The following FAM124A variants were observed in gnomAD, a reference collection of about 807,000 sequenced individuals.
The protein encoded by FAM124A is protein FAM124A.
A neutral mutation model predicts 24.5 loss-of-function variants in FAM124A; 23 were observed. The observed-to-expected ratio is 0.94, with a 90% CI of 0.68 to 1.33. FAM124A has a LOEUF of 1.33. Ranked by LOEUF, FAM124A falls within the 40% of genes most tolerant of loss-of-function variation. The probability of loss-of-function intolerance (pLI) is 0.00; values close to 1 mark genes in which losing one functional copy is unlikely to be tolerated. For synonymous variants in FAM124A, 287 were observed against 314.7 expected, an observed-to-expected ratio of 0.91 and a Z score of 0.93; for missense variants, 623 against 722.8, an observed-to-expected ratio of 0.86 and a Z score of 1.58.
At chr13:51,263,298 C>T (rs1448744075) in intron 3 of FAM124A, among the ~76,000 whole-genome samples, 1 of 152,260 alleles carries the variant, frequency 6.6e-6, no homozygotes, top group Non-Finnish European at 1.5e-5. Context: ...GCTCTCTGTG[C>T]ATTCCCCAGC....
rs1954397272 is a variant in FAM124A at position 51,233,140 on chromosome 13, C to T, written c.100+1761C>T. On this transcript the variant is annotated intron_variant, in intron 2 of 3. Coordinates refer to ENST00000322475, the MANE Select transcript of FAM124A (RefSeq NM_001242312.2). ...AATGATGGCTAAACAAGTAGGGATT[C>T]GTTTTCCTCTAACCCTTAAGAAGAA... is the stretch of plus-strand genomic sequence containing the variant. 4.6e-5 allele frequency among the ~76,000 whole-genome samples: 7 copies of T among 151,920 alleles called. No homozygotes were observed. The South Asian group carries it at 1.5e-3, about 32-fold the overall frequency.
At chr13:51,247,193 G>T (rs1047316798) in intron 2 of FAM124A, among the ~76,000 whole-genome samples, 1 of 152,218 alleles carries the variant, frequency 6.6e-6, no homozygotes, top group Admixed American at 6.5e-5. Flanking sequence ...GGGGCCAGGC[G>T]GGAGCTGCCG....
At chr13:51,235,662 ACTGTTC>A in intron 2 of FAM124A, among the ~76,000 whole-genome samples, 1 of 152,340 alleles carries the variant, frequency 6.6e-6, no homozygotes, top group Middle Eastern at 3.4e-3. Flanking sequence ...TGCCTCTAAA[ACTGTTC>A]CTCCTCAAAA....
chr13:51,224,364 G>A (rs1223683399), intron 1 of FAM124A, among the ~76,000 whole-genome samples: 1 of 152,222 alleles, frequency 6.6e-6, no homozygotes, highest in Non-Finnish European at 1.5e-5. Context: ...CCAGCTACTC[G>A]GGAGGCTGAG....
chr13:51,280,791 A>C lies in FAM124A; in HGVS notation c.1176A>C (p.Ala392=). 1.9e-6 allele frequency: 3 copies of C among 1,614,200 alleles called. No homozygotes were observed. The highest frequency in any genetic ancestry group is 2.5e-6 in the Non-Finnish European group (3 of 1,180,042). Reference sequence around the variant, plus strand: ...ACACAGGTGCCCCAGGGCACAGGGCATCAGAGTGGAGGCATGGCCACCTCC... The same window carrying C: ...ACACAGGTGCCCCAGGGCACAGGGCCTCAGAGTGGAGGCATGGCCACCTCC... ...FSNTGAPGHR[A]SEWRHGHLLS... The change falls in exon 4 of 4, where the codon GCA becomes GCC. Residue 392 remains alanine (A), a synonymous_variant. Transcript: ENST00000322475.
intron 3 of FAM124A, among the ~76,000 whole-genome samples, chr13:51,257,660 T>C (rs1954689549): frequency 6.6e-6 from 1 of 152,176 alleles, no homozygotes; most frequent in African/African-American, 2.4e-5. Flanking sequence ...TTGCTCACTC[T>C]CCTTCTCCTA....
At chr13:51,243,295 T>A (rs1295998591) in intron 2 of FAM124A, among the ~76,000 whole-genome samples, 1 of 152,176 alleles carries the variant, frequency 6.6e-6, no homozygotes, top group African/African-American at 2.4e-5. Flanking sequence ...TAGTTCAAAG[T>A]TTCAAAGAAC....
In FAM124A at chr13:51,280,701, C is replaced by T; in HGVS notation, c.1086C>T (p.Ser362=). 6.2e-7 allele frequency: 1 copy of T among 1,614,160 alleles called. No homozygotes were observed. Among genetic ancestry groups the T allele is most frequent in the Non-Finnish European group, 8.5e-7 (1 of 1,180,036 alleles). The change falls in exon 4 of 4, where the codon TCC becomes TCT. Residue 362 remains serine (S), a synonymous_variant. Transcript: ENST00000322475. ...NPPWSFQRSK[S]LFCLPTGGPS... ...CCTGGTCTTTCCAGAGAAGCAAGTC[C>T]TTGTTTTGTTTGCCCACGGGAGGCC...
intron 3 of FAM124A, among the ~76,000 whole-genome samples, chr13:51,267,741 C>A (rs1954802584): frequency 6.6e-6 from 1 of 152,158 alleles, no homozygotes; most frequent in Admixed American, 6.5e-5. Context: ...GGTTAAGCTG[C>A]CCTTCTACTA....
chr13:51,257,666 TC>T (rs1954689635), intron 3 of FAM124A, among the ~76,000 whole-genome samples: 1 of 152,160 alleles, frequency 6.6e-6, no homozygotes, highest in South Asian at 2.1e-4. Context: ...ACTCTCCTTC[TC>T]CTACATTGGC....
rs1380440626 is a variant in FAM124A, at chr13:51,272,234, G to T, written c.835-8216G>T. On this transcript the variant is annotated intron_variant, in intron 3 of 3. Transcript: ENST00000322475. The surrounding 1 kb of genome is among the most constrained non-coding windows in gnomAD (Gnocchi z 4.2). ...TACAAGGAAGTTGGGGGCACAGGAG[G>T]TCAGTAGGTTGGCTTTGGGGGCACA... Among the ~76,000 whole-genome samples, 1 of 152,094 alleles carries T rather than the reference G, an allele frequency of 6.6e-6. No individual in the cohort carries two copies. The highest frequency in any genetic ancestry group is 1.5e-5 in the Non-Finnish European group (1 of 68,020).
chr13:51,234,466 G>T (rs1954414306), intron 2 of FAM124A, among the ~76,000 whole-genome samples: 1 of 152,162 alleles, frequency 6.6e-6, no homozygotes, highest in Admixed American at 6.5e-5. Flanking sequence ...GTGGTGGCGT[G>T]GTGAGGTGTC....
At position 51,251,372 on chromosome 13, in the gene FAM124A, C is replaced by A; in HGVS notation, c.101-96C>A. The A allele has an allele frequency of 1.5e-6, 2 of 1,369,454 alleles. No homozygotes were observed. The highest frequency in any genetic ancestry group is 1.9e-6 in the Non-Finnish European group (2 of 1,050,068). The allele number at this position is 1,369,454 out of a possible 1,614,324, so 84.8% of individuals were successfully genotyped here. ...AGTCAGTTCAGTTAGAATTTGACTT[C>A]TCTTCCTGTCAAGCCTGTACACGTC... On this transcript the variant is annotated intron_variant, in intron 2 of 3. Coordinates refer to ENST00000322475, the MANE Select transcript of FAM124A (RefSeq NM_001242312.2). This position sits in a 1 kb window ranked among gnomAD's most constrained non-coding sequence, Gnocchi z 5.3.
chr13:51,225,995 T>C lies in FAM124A; in HGVS notation c.68+3426T>C, dbSNP rs1325312534. Among the ~76,000 whole-genome samples, 853 of 132,952 alleles carry C rather than the reference T, an allele frequency of 6.4e-3. 18 individuals are homozygous for C. Among genetic ancestry groups the C allele is most frequent in the Non-Finnish European group, 7.0e-3 (441 of 63,058 alleles). The allele number at this position is 132,952 out of a possible 152,430, so 87.2% of individuals were successfully genotyped here. ...TGCTTTCTTTTTTTTTTTTTTTTTT[T>C]TTTTTTTTTTTTTTTTAACAGACAG... On this transcript the variant is annotated intron_variant, in intron 1 of 3. Transcript: ENST00000322475.
chr13:51,252,027 C>G lies in FAM124A; in HGVS notation c.660C>G (p.Phe220Leu). The G allele has an allele frequency of 6.2e-7, 1 of 1,614,248 alleles. No homozygotes were observed. ...CCAACCTGGATGTGGACATCCAGTT[C>G]TCCCTGAAAAGACTGCCCTGTGACC... ...IFSNLDVDIQ[F>L]SLKRLPCDQC... is the part of the protein sequence containing the mutation. Residue 220 changes from phenylalanine (F) to leucine (L), a missense_variant, in exon 3 of 4, where the codon TTC becomes TTG. Physicochemically the swap from Phe to Leu is conservative, Grantham distance 22 (BLOSUM62 0). Transcript: ENST00000322475.
chr13:51,242,289 G>A (rs1432085731), intron 2 of FAM124A, among the ~76,000 whole-genome samples: 1 of 152,188 alleles, frequency 6.6e-6, no homozygotes, highest in Admixed American at 6.5e-5. Flanking sequence ...TTACTGAGTA[G>A]AAGAAAGGAC....
At position 51,230,075 on chromosome 13, in the gene FAM124A, T is replaced by TTATATATA. The variant is rs5803560; in HGVS notation, c.69-1265_69-1258dup. On this transcript the variant is annotated intron_variant, in intron 1 of 3. Coordinates refer to ENST00000322475, the MANE Select transcript of FAM124A (RefSeq NM_001242312.2). Reference sequence around the variant, plus strand: ...ATTTCCTAGTCAATAAAATATTGAATTATATATATATATATGAATGCAGTT... The same window carrying TTATATATA: ...ATTTCCTAGTCAATAAAATATTGAATTATATATATATATATATATATATGAATGCAGTT... 8.3e-3 allele frequency among the ~76,000 whole-genome samples: 1,254 copies of TTATATATA among 151,006 alleles called. 15 individuals are homozygous for TTATATATA. The highest frequency in any genetic ancestry group is 0.025 in the African/African-American group (1,016 of 41,182).
rs539838763 is a variant in FAM124A at position 51,277,171 on chromosome 13, T to C, written c.835-3279T>C. On this transcript the variant is annotated intron_variant, in intron 3 of 3. Transcript: ENST00000322475. ...ATAAAAAGGAATGAAATCACATCTT[T>C]TACAGCCACATGGTTAGAATTGGAG... Among the ~76,000 whole-genome samples, 8 of 152,242 alleles carry C rather than the reference T, an allele frequency of 5.3e-5. No homozygotes were observed. The East Asian group carries it at 1.5e-3, about 29-fold the overall frequency.
chr13:51,251,483 A>G lies in FAM124A; in HGVS notation c.116A>G (p.Glu39Gly), dbSNP rs1954619107. 4 of 1,501,536 alleles carry G rather than the reference A, an allele frequency of 2.7e-6. No individual in the cohort carries two copies. Among genetic ancestry groups the G allele is most frequent in the Non-Finnish European group, 2.7e-6 (3 of 1,124,772 alleles). 93.0% of individuals were successfully genotyped at this position (1,501,536 alleles called of 1,614,324 possible). Residue 39 changes from glutamate to glycine, a missense_variant, in exon 3 of 4, where the codon GAA becomes GGA. Coordinates refer to ENST00000322475, the MANE Select transcript of FAM124A (RefSeq NM_001242312.2). The surrounding 1 kb of genome is among the most constrained non-coding windows in gnomAD (Gnocchi z 5.3). ...LSSTSSELSV[E>G]EAQDPFLVSI... ...GTGCCCCCAGGTGAGCTTTCCGTTG[A>G]AGAGGCGCAGGACCCTTTCCTGGTC...
Sources: allele counts gnomAD v4.1 joint callset (sites outside exome capture counted in the v4.1 genomes callset), GRCh38; gene constraint gnomAD v4.1.1; non-coding constraint Gnocchi (gnomAD v3.1); transcripts MANE v1.5; gene names NCBI Gene and HGNC (gene_info 2026-07-23, HGNC 2026-07-21).